The following HDAC8 variants were observed in gnomAD, a reference collection of about 807,000 sequenced individuals.
The protein encoded by HDAC8 is histone deacetylase 8.
Under a neutral mutation model 32.2 loss-of-function variants are expected in HDAC8, and 1 was observed. That is an observed-to-expected ratio of 0.03 (90% confidence interval 0.01 to 0.15). The LOEUF (loss-of-function observed/expected upper bound fraction) is 0.15, where lower values mean the gene tolerates loss of function less well. HDAC8 is among the 10% of genes least tolerant of loss of function. The pLI is 1.00. For missense variants in HDAC8, 117 were observed against 300.0 expected, an observed-to-expected ratio of 0.39 and a Z score of 4.51; for synonymous variants, 108 against 113.9, an observed-to-expected ratio of 0.95 and a Z score of 0.33.
chrX:72,364,701 C>A (rs1375500402), intron 9 of HDAC8, among the ~76,000 whole-genome samples: 1 of 111,154 alleles, frequency 9.0e-6, no homozygotes, highest in Non-Finnish European at 1.9e-5. Context: ...CCATCCTGAA[C>A]GTTCCTGATT....
chrX:72,441,904 C>A (rs2047163709), intron 9 of HDAC8, among the ~76,000 whole-genome samples: 1 of 111,373 alleles, frequency 9.0e-6, no homozygotes, highest in South Asian at 3.8e-4. Flanking sequence ...GCCTCAGGAG[C>A]CGATGCGATC....
intron 9 of HDAC8, among the ~76,000 whole-genome samples, chrX:72,398,321 CT>C (rs1379197243): frequency 1.8e-5 from 2 of 108,862 alleles, no homozygotes; most frequent in African/African-American, 6.7e-5. Flanking sequence ...TCTGGATTAT[CT>C]TTTTTTTTGT....
intron 7 of HDAC8, among the ~76,000 whole-genome samples, chrX:72,475,411 C>G (rs2048303028): frequency 8.9e-6 from 1 of 112,060 alleles, no homozygotes; most frequent in Admixed American, 9.5e-5. Context: ...CAAAGTATTA[C>G]TAGTCAGTCC....
At chrX:72,562,944 C>T (rs185729395) in intron 4 of HDAC8, among the ~76,000 whole-genome samples, 145 of 106,003 alleles carry the variant, frequency 1.4e-3, no homozygotes, top group Middle Eastern at 4.7e-3. Flanking sequence ...TGCAGTGGCA[C>T]GATCTCGGCT....
intron 4 of HDAC8, among the ~76,000 whole-genome samples, chrX:72,566,525 A>T (rs2051796058): frequency 1.8e-5 from 2 of 111,917 alleles, no homozygotes; most frequent in Non-Finnish European, 3.8e-5. Context: ...TGATGGAAAA[A>T]ATTCTGTTAT....
intron 9 of HDAC8, among the ~76,000 whole-genome samples, chrX:72,358,160 G>A (rs1382797378): frequency 1.8e-5 from 2 of 110,622 alleles, no homozygotes; most frequent in Non-Finnish European, 3.8e-5. Context: ...TAAGTGATCC[G>A]CTCGCCTCAG....
intron 7 of HDAC8, among the ~76,000 whole-genome samples, chrX:72,478,137 G>C (rs1439891398): frequency 8.9e-6 from 1 of 112,227 alleles, no homozygotes. Context: ...AGGACTGCAC[G>C]GGGGAATGTT....
At chrX:72,424,782 T>C (rs1448901126) in intron 9 of HDAC8, among the ~76,000 whole-genome samples, 2 of 112,063 alleles carry the variant, frequency 1.8e-5, no homozygotes, top group Non-Finnish European at 3.8e-5. Flanking sequence ...TTGCCTATTG[T>C]AAATATTTCA....
chrX:72,362,259 G>T (rs1455734278), intron 9 of HDAC8, among the ~76,000 whole-genome samples: 1 of 111,043 alleles, frequency 9.0e-6, no homozygotes, highest in Non-Finnish European at 1.9e-5. Context: ...GTTGTTAAAA[G>T]AGTCAGGAAC....
At chrX:72,335,950 A>C (rs1432207995) in intron 10 of HDAC8, among the ~76,000 whole-genome samples, 1 of 109,985 alleles carries the variant, frequency 9.1e-6, no homozygotes, top group African/African-American at 3.3e-5. Context: ...CAACAACAAC[A>C]ACAACCCAAA....
chrX:72,350,951 G>T (rs1555948634), intron 10 of HDAC8, among the ~76,000 whole-genome samples: 1 of 112,212 alleles, frequency 8.9e-6, no homozygotes, highest in Non-Finnish European at 1.9e-5. Flanking sequence ...CTCTGGCTGA[G>T]TCCAGGTAAC....
intron 4 of HDAC8, among the ~76,000 whole-genome samples, chrX:72,551,083 A>G (rs1318463103): frequency 7.7e-5 from 8 of 103,769 alleles, no homozygotes; most frequent in South Asian, 4.0e-4. Flanking sequence ...GTCAGCGCAC[A>G]CACACACACA....
chrX:72,389,511 G>C (rs1475745036), intron 9 of HDAC8, among the ~76,000 whole-genome samples: 1 of 111,844 alleles, frequency 8.9e-6, no homozygotes, highest in Non-Finnish European at 1.9e-5. Context: ...GAGGTGCTTT[G>C]TACACACAGA....
At chrX:72,567,805 G>A (rs1556138047) in intron 4 of HDAC8, 84 bp downstream of exon 4, 12 of 1,210,293 alleles carry the variant, frequency 9.9e-6, no homozygotes, top group Non-Finnish European at 1.3e-5. Context: ...CTCTGTAAAT[G>A]TCAATACAAT....
chrX:72,570,790 G>T (rs1226353387), intron 2 of HDAC8, among the ~76,000 whole-genome samples: 1 of 111,957 alleles, frequency 8.9e-6, no homozygotes, highest in African/African-American at 3.2e-5. Flanking sequence ...AATCCTATAT[G>T]TGGCAGGGTT....
intron 9 of HDAC8, among the ~76,000 whole-genome samples, chrX:72,384,848 A>G (rs1484591026): frequency 8.9e-6 from 1 of 112,206 alleles, no homozygotes; most frequent in Non-Finnish European, 1.9e-5. Context: ...GCATAAAAAT[A>G]TCATTTTGAT....
intron 4 of HDAC8, among the ~76,000 whole-genome samples, chrX:72,546,349 T>C (rs1369153393): frequency 1.8e-5 from 2 of 111,426 alleles, no homozygotes; most frequent in Non-Finnish European, 3.8e-5. Context: ...TGAAATGTTA[T>C]GGGACAAGAG....
chrX:72,383,906 C>T (rs1399565770), intron 9 of HDAC8, among the ~76,000 whole-genome samples: 1 of 109,647 alleles, frequency 9.1e-6, no homozygotes, highest in Non-Finnish European at 1.9e-5. Context: ...TAGCCTTTTC[C>T]CCTTTGTCTC....
chrX:72,474,129 T>A, intron 7 of HDAC8: 2 of 750,763 alleles, frequency 2.7e-6, no homozygotes, highest in Non-Finnish European at 3.1e-6. Context: ...AAAGATAGAG[T>A]AATTAGCTAC....
Sources: gnomAD v4.1 joint callset for allele counts (sites outside exome capture counted in the v4.1 genomes callset) on GRCh38, gnomAD v4.1.1 for gene constraint, MANE v1.5 for transcripts, NCBI Gene and HGNC (gene_info 2026-07-23, HGNC 2026-07-21) for gene names.